The following ALOX5 variants were observed in gnomAD, a reference collection of about 807,000 sequenced individuals.
ALOX5 encodes polyunsaturated fatty acid 5-lipoxygenase.
Under a neutral mutation model 87.9 loss-of-function variants are expected in ALOX5, and 64 were observed. The ratio of observed to expected loss-of-function variants is 0.73; its 90% CI spans 0.60 to 0.90. The LOEUF is 0.90. ALOX5 is among the 40% of genes least tolerant of loss of function. ALOX5 has a pLI of 0.00. For missense variants in ALOX5, 822 were observed against 907.5 expected (o/e 0.91, Z 1.21); for synonymous variants, 388 against 355.1 (o/e 1.09, Z -1.04).
intron 4 of ALOX5, among the ~76,000 whole-genome samples, chr10:45,421,804 G>C (rs1841517485): frequency 6.6e-6 from 1 of 152,218 alleles, no homozygotes; most frequent in African/African-American, 2.4e-5. Flanking sequence ...ACAGCTCCAG[G>C]GTGCTGTAGC....
At chr10:45,403,149 C>T (rs1292551494) in intron 3 of ALOX5, among the ~76,000 whole-genome samples, 1 of 152,154 alleles carries the variant, frequency 6.6e-6, no homozygotes, top group African/African-American at 2.4e-5. Context: ...TAGTGGGATC[C>T]AAATTTGTGT....
At chr10:45,383,640 C>A (rs1235432704) in intron 2 of ALOX5, among the ~76,000 whole-genome samples, 1 of 151,540 alleles carries the variant, frequency 6.6e-6, no homozygotes, top group Non-Finnish European at 1.5e-5. Flanking sequence ...TGACTGTTAC[C>A]CCCATTTTAT....
chr10:45,374,514 C>G, intron 1 of ALOX5, 85 bp downstream of exon 1: 1 of 1,291,840 alleles, frequency 7.7e-7, no homozygotes. Flanking sequence ...GGCGGGGGCG[C>G]CGAGGGCCCG....
intron 3 of ALOX5, among the ~76,000 whole-genome samples, chr10:45,397,438 A>C (rs1840553940): frequency 6.6e-6 from 1 of 152,230 alleles, no homozygotes; most frequent in Admixed American, 6.5e-5. Flanking sequence ...GAAAGGCTGA[A>C]TCCAGAAACA....
At chr10:45,374,638 G>A (rs554874884) in intron 1 of ALOX5, among the ~76,000 whole-genome samples, 2 of 152,284 alleles carry the variant, frequency 1.3e-5, no homozygotes, top group East Asian at 3.9e-4. Context: ...GTGGGCAAGC[G>A]TCCAGGACCC....
chr10:45,426,514 C>T (rs1288470595), intron 6 of ALOX5, among the ~76,000 whole-genome samples: 4 of 152,248 alleles, frequency 2.6e-5, no homozygotes, highest in East Asian at 1.9e-4. Flanking sequence ...CTACTAAAAA[C>T]GCCTCCATTG....
At chr10:45,384,243 C>T (rs991457653) in intron 2 of ALOX5, among the ~76,000 whole-genome samples, 6 of 152,154 alleles carry the variant, frequency 3.9e-5, no homozygotes, top group Non-Finnish European at 5.9e-5. Flanking sequence ...CTACACATTC[C>T]CTCCTTTCTG....
chr10:45,384,804 A>G (rs1839956159), intron 2 of ALOX5, among the ~76,000 whole-genome samples: 1 of 151,736 alleles, frequency 6.6e-6, no homozygotes, highest in Non-Finnish European at 1.5e-5. Flanking sequence ...CCCATCTCTC[A>G]ATGGAAGGAA....
chr10:45,397,849 A>C (rs1840566703), intron 3 of ALOX5, among the ~76,000 whole-genome samples: 1 of 152,246 alleles, frequency 6.6e-6, no homozygotes, highest in South Asian at 2.1e-4. Context: ...GAAGATCTAA[A>C]TAGGTTGAAA....
At chr10:45,434,355 A>T (rs1176753637) in intron 7 of ALOX5, among the ~76,000 whole-genome samples, 1 of 152,238 alleles carries the variant, frequency 6.6e-6, no homozygotes, top group African/African-American at 2.4e-5. Context: ...ACTCAGCAGA[A>T]ATGAAAGCAC....
rs377643611 is a variant in ALOX5 at position 45,399,503 on chromosome 10, TGATA to T, written c.431+3571_431+3574del. Among the ~76,000 whole-genome samples, 23 of 152,344 alleles carry T rather than the reference TGATA, an allele frequency of 1.5e-4. No individual in the cohort carries two copies. In the South Asian group the frequency reaches 4.1e-3, roughly 27 times the overall value. ...AATTTAAAAATTAATTCAAAATGGA[TGATA>T]GATCTAAAAGTAAGGGCTAACAACA... On this transcript the variant is annotated intron_variant, in intron 3 of 13. Coordinates refer to ENST00000374391, the MANE Select transcript of ALOX5 (RefSeq NM_000698.5).
chr10:45,438,129 CT>C (rs11290750), intron 7 of ALOX5, among the ~76,000 whole-genome samples: 115,451 of 146,206 alleles, frequency 0.79, 45,769 homozygotes, highest in African/African-American at 0.9. Flanking sequence ...TTGACTTCCT[CT>C]TTTTTTTTTT....
At chr10:45,388,657 C>G (rs1469242203) in intron 2 of ALOX5, among the ~76,000 whole-genome samples, 1 of 152,228 alleles carries the variant, frequency 6.6e-6, no homozygotes, top group African/African-American at 2.4e-5. Context: ...AACTAACAAA[C>G]AGAAAGGACA....
At chr10:45,392,686 A>T (rs182647339) in intron 2 of ALOX5, among the ~76,000 whole-genome samples, 7 of 151,894 alleles carry the variant, frequency 4.6e-5, no homozygotes, top group African/African-American at 1.7e-4. Flanking sequence ...TCTGCGAGAA[A>T]CACCCAAGAA....
At position 45,445,787 on chromosome 10, in the gene ALOX5, C is replaced by A; in HGVS notation, c.*100C>A. 7.6e-7 allele frequency: 1 copy of A among 1,314,570 alleles called. No individual in the cohort carries two copies. Among genetic ancestry groups the A allele is most frequent in the Admixed American group, 2.1e-5 (1 of 48,330 alleles). 81.4% of individuals were successfully genotyped at this position (1,314,570 alleles called of 1,614,324 possible). A position where few individuals can be genotyped will look rare whatever the true frequency, so the allele number is the denominator to read the frequency against. On this transcript the variant is annotated 3_prime_UTR_variant, in exon 14 of 14. Coordinates refer to ENST00000374391, the MANE Select transcript of ALOX5 (RefSeq NM_000698.5). Reference sequence around the variant, plus strand: ...TGGCCAGGCCTCTTGGCAGTCACATCTCTTCCTCCGAGGCCAGTACCTTTC... The same window carrying A: ...TGGCCAGGCCTCTTGGCAGTCACATATCTTCCTCCGAGGCCAGTACCTTTC...
At position 45,424,840 on chromosome 10, in the gene ALOX5, A is replaced by C. The variant is rs555334569; in HGVS notation, c.662-120A>C. ...GCAGCAGTTGGAGCTGTGCCCATCC[A>C]GGGAGCACTCGGGAGAGGAGACCAA... On this transcript the variant is annotated intron_variant, in intron 5 of 13. Transcript: ENST00000374391. 1.0e-5 allele frequency: 13 copies of C among 1,243,386 alleles called. No homozygotes were observed. The South Asian group carries it at 1.7e-4, about 16-fold the overall frequency. The allele number at this position is 1,243,386 out of a possible 1,614,324, so 77.0% of individuals were successfully genotyped here. A position where few individuals can be genotyped will look rare whatever the true frequency, so the allele number is the denominator to read the frequency against.
Position 45,428,710 on chromosome 10 carries a change from C to T in ALOX5, c.927C>T (p.Pro309=). The change falls in exon 7 of 14, where the codon CCC becomes CCT. Residue 309 remains proline (P), a synonymous_variant. Transcript: ENST00000374391. The part of the protein sequence containing the change: ...DPCTLQFLAA[P]ICLLYKNLAN... ...GCACACTCCAGTTCCTGGCCGCTCCCATCTGCTTGCTGTATAAGAACCTGG... is the reference window on the plus strand; with the variant it reads ...GCACACTCCAGTTCCTGGCCGCTCCTATCTGCTTGCTGTATAAGAACCTGG... 6.2e-7 allele frequency: 1 copy of T among 1,614,102 alleles called. No homozygotes were observed. Among genetic ancestry groups the T allele is most frequent in the Non-Finnish European group, 8.5e-7 (1 of 1,180,036 alleles).
intron 2 of ALOX5, among the ~76,000 whole-genome samples, chr10:45,389,495 T>A (rs765077511): frequency 1.3e-5 from 2 of 152,218 alleles, no homozygotes; most frequent in Non-Finnish European, 2.9e-5. Flanking sequence ...AGCTGATCTC[T>A]CGGCAGAAAC....
At chr10:45,391,358 G>T (rs1239611453) in intron 2 of ALOX5, among the ~76,000 whole-genome samples, 3 of 152,200 alleles carry the variant, frequency 2.0e-5, no homozygotes, top group Non-Finnish European at 4.4e-5. Flanking sequence ...GCCTCCCGAG[G>T]TGCCGGGATT....
Sources: allele counts gnomAD v4.1 joint callset (sites outside exome capture counted in the v4.1 genomes callset), GRCh38; gene constraint gnomAD v4.1.1; transcripts MANE v1.5; gene names NCBI Gene and HGNC (gene_info 2026-07-23, HGNC 2026-07-21).